Variants in PDS5A observed in about 807,000 individuals in gnomAD.
The protein encoded by PDS5A is PDS5 cohesin associated factor A.
A neutral mutation model predicts 167.1 loss-of-function variants in PDS5A; 42 were observed. The observed-to-expected ratio is 0.25, with a 90% CI of 0.20 to 0.33. The LOEUF (loss-of-function observed/expected upper bound fraction) is 0.33. Ranked by LOEUF, PDS5A falls within the 10% of genes least tolerant of loss-of-function variation. PDS5A has a pLI of 1.00. For synonymous variants in PDS5A, 553 were observed against 554.6 expected (o/e 1.00, Z 0.04); for missense variants, 1,033 against 1,605.9 (o/e 0.64, Z 6.10).
At chr4:39,871,571 C>G (rs1386296397) in intron 21 of PDS5A, among the ~76,000 whole-genome samples, 1 of 152,162 alleles carries the variant, frequency 6.6e-6, no homozygotes, top group Non-Finnish European at 1.5e-5. Flanking sequence ...GAGTTAGGAA[C>G]TTTGGATAAG....
chr4:39,976,219 C>G (rs968221558), intron 2 of PDS5A: 6 of 352,742 alleles, frequency 1.7e-5, no homozygotes, highest in African/African-American at 8.3e-5. Flanking sequence ...TGCTTGAAAA[C>G]CAGTAAGTTT....
chr4:39,952,058 G>A (rs777324373), intron 2 of PDS5A, among the ~76,000 whole-genome samples: 36 of 152,130 alleles, frequency 2.4e-4, no homozygotes, highest in Non-Finnish European at 4.6e-4. Flanking sequence ...GTCCAGGCAC[G>A]GTGGCTCATG....
At chr4:39,954,670 T>TAAATAAAAAAAAAAA (rs1553908181) in intron 2 of PDS5A, among the ~76,000 whole-genome samples, 1 of 48,280 alleles carries the variant, frequency 2.1e-5, no homozygotes, top group African/African-American at 7.9e-5. Flanking sequence ...AAGAGATAAG[T>TAAATAAAAAAAAAAA]AAAAAAAAAA....
At chr4:39,860,817 C>G (rs1327957357) in intron 26 of PDS5A, among the ~76,000 whole-genome samples, 4 of 152,116 alleles carry the variant, frequency 2.6e-5, no homozygotes, top group Non-Finnish European at 5.9e-5. Flanking sequence ...CGCCTGTAAT[C>G]CTAGCACTTC....
At chr4:39,948,484 C>T (rs1414887238) in intron 2 of PDS5A, among the ~76,000 whole-genome samples, 11 of 151,538 alleles carry the variant, frequency 7.3e-5, no homozygotes, top group Non-Finnish European at 1.5e-4. Flanking sequence ...ACCACCAGGC[C>T]CTGCTAATTT....
chr4:39,868,189 T>C (rs1719719942), intron 22 of PDS5A, among the ~76,000 whole-genome samples: 1 of 152,192 alleles, frequency 6.6e-6, no homozygotes, highest in African/African-American at 2.4e-5. Flanking sequence ...ATCATCTCTA[T>C]CTGCTCTGTC....
intron 9 of PDS5A, among the ~76,000 whole-genome samples, chr4:39,911,000 G>C (rs374299438): frequency 6.6e-6 from 1 of 152,058 alleles, no homozygotes; most frequent in Non-Finnish European, 1.5e-5. Context: ...CGGGCGTGGA[G>C]GCATTCCCCT....
intron 2 of PDS5A, among the ~76,000 whole-genome samples, chr4:39,970,886 C>G (rs1440682023): frequency 1.4e-5 from 2 of 146,442 alleles, no homozygotes; most frequent in East Asian, 4.0e-4. Context: ...CAGCCCTGAC[C>G]TTCCTGGGCT....
chr4:39,864,947 T>C (rs1719302745), intron 23 of PDS5A, among the ~76,000 whole-genome samples: 1 of 152,218 alleles, frequency 6.6e-6, no homozygotes, highest in Admixed American at 6.5e-5. Flanking sequence ...GGAACATGCT[T>C]GTGTATAAGC....
At chr4:39,916,859 T>C (rs1344294999) in intron 8 of PDS5A, among the ~76,000 whole-genome samples, 189 bp downstream of exon 8, 3 of 151,276 alleles carry the variant, frequency 2.0e-5, no homozygotes, top group African/African-American at 7.3e-5. Flanking sequence ...ACAGCAAAAC[T>C]CCGTCTCAAA....
chr4:39,893,967 G>T (rs765350485), intron 16 of PDS5A, among the ~76,000 whole-genome samples: 1 of 152,184 alleles, frequency 6.6e-6, no homozygotes, highest in Non-Finnish European at 1.5e-5. Context: ...GTGAGCCACC[G>T]CGCCCAGCCT....
chr4:39,917,996 A>G (rs1254373891), intron 7 of PDS5A, among the ~76,000 whole-genome samples: 1 of 151,870 alleles, frequency 6.6e-6, no homozygotes, highest in Non-Finnish European at 1.5e-5. Context: ...TGGGCAACAC[A>G]GTGAGACCCT....
chr4:39,850,270 T>TAAAAA (rs1718008920), intron 26 of PDS5A, among the ~76,000 whole-genome samples: 1 of 130,074 alleles, frequency 7.7e-6, no homozygotes, highest in African/African-American at 3.0e-5. Context: ...AGACTCTCTC[T>TAAAAA]CAAAAAAAAA....
chr4:39,883,738 C>G (rs1721164385), intron 17 of PDS5A, among the ~76,000 whole-genome samples: 1 of 152,152 alleles, frequency 6.6e-6, no homozygotes, highest in Admixed American at 6.5e-5. Context: ...TGGGCTCATT[C>G]TTCCACCTCA....
intron 26 of PDS5A, among the ~76,000 whole-genome samples, chr4:39,861,020 C>T (rs778547270): frequency 1.4e-4 from 21 of 151,124 alleles, no homozygotes; most frequent in Admixed American, 3.3e-4. Flanking sequence ...GCCCTGATCA[C>T]ACCACTGCAC....
At chr4:39,941,829 G>C (rs764617222) in intron 2 of PDS5A, among the ~76,000 whole-genome samples, 18 of 152,164 alleles carry the variant, frequency 1.2e-4, no homozygotes, top group Admixed American at 9.2e-4. Context: ...GCTGAAGAGG[G>C]AGGAGCCCTT....
At chr4:39,898,044 G>C (rs1037680774) in intron 16 of PDS5A, 1 of 992,406 alleles carries the variant, frequency 1.0e-6, no homozygotes. Context: ...ATTTATTGAC[G>C]ATTATTTCCA....
chr4:39,966,498 T>A (rs563345792), intron 2 of PDS5A, among the ~76,000 whole-genome samples: 30 of 152,094 alleles, frequency 2.0e-4, no homozygotes, highest in Non-Finnish European at 3.5e-4. Context: ...GGAAGAAAGA[T>A]TAGAGAAAAT....
At chr4:39,927,050 T>A (rs1347371448) in intron 3 of PDS5A, among the ~76,000 whole-genome samples, 189 bp from the exon 4 acceptor site, 3 of 152,196 alleles carry the variant, frequency 2.0e-5, no homozygotes, top group Non-Finnish European at 4.4e-5. Context: ...AAAATTATAC[T>A]CTTTAGAAGC....
Sources: allele counts gnomAD v4.1 joint callset (sites outside exome capture counted in the v4.1 genomes callset), GRCh38; gene constraint gnomAD v4.1.1; transcripts MANE v1.5; gene names NCBI Gene and HGNC (gene_info 2026-07-23, HGNC 2026-07-21).